OSBPL9: variants seen among roughly 807,000 people sequenced by gnomAD.
OSBPL9 encodes oxysterol binding protein like 9.
In OSBPL9, 40 loss-of-function variants were observed where a neutral mutation model predicts 106.6. That is an observed-to-expected ratio of 0.38 (90% CI 0.29 to 0.49). The LOEUF (loss-of-function observed/expected upper bound fraction) is 0.49. Ranked by LOEUF, OSBPL9 falls within the 20% of genes least tolerant of loss-of-function variation. OSBPL9 has a pLI of 0.97. For missense variants in OSBPL9, 609 were observed against 887.2 expected, an observed-to-expected ratio of 0.69 and a Z score of 3.98; for synonymous variants, 269 against 295.4, an observed-to-expected ratio of 0.91 and a Z score of 0.92.
At chr1:51,757,202 A>C (rs200742998) in intron 9 of OSBPL9, among the ~76,000 whole-genome samples, 1 of 152,014 alleles carries the variant, frequency 6.6e-6, no homozygotes, top group Admixed American at 6.6e-5. Flanking sequence ...TGGTTTAAAA[A>C]TTTTTTTTAA....
the OSBPL9 span, among the ~76,000 whole-genome samples, chr1:51,519,712 ACT>A: frequency 2.7e-3 from 405 of 152,222 alleles, 2 homozygotes; most frequent in African/African-American, 9.2e-3. Context: ...TCTGTACTAG[ACT>A]CTTATTTTTT....
chr1:51,608,679 G>T (rs376346074), intron 2 of OSBPL9, among the ~76,000 whole-genome samples: 10 of 110,862 alleles, frequency 9.0e-5, no homozygotes, highest in South Asian at 2.7e-4. Flanking sequence ...TCCTGGATTG[G>T]GGGGGGGGGC....
chr1:51,560,244 G>T, the OSBPL9 span, among the ~76,000 whole-genome samples: 1 of 152,232 alleles, frequency 6.6e-6, no homozygotes, highest in Non-Finnish European at 1.5e-5. Context: ...GTGGCTTCCA[G>T]AGGCTCTGTT....
intron 12 of OSBPL9, among the ~76,000 whole-genome samples, chr1:51,768,542 A>G (rs888694286): frequency 6.6e-6 from 1 of 152,264 alleles, no homozygotes; most frequent in Non-Finnish European, 1.5e-5. Flanking sequence ...TATTGTTCTA[A>G]AAAAGTGCAA....
At chr1:51,518,874 C>T in the OSBPL9 span, among the ~76,000 whole-genome samples, 2 of 151,686 alleles carry the variant, frequency 1.3e-5, no homozygotes, top group African/African-American at 4.8e-5. Flanking sequence ...TGAAAGCTGC[C>T]CCGCGGGAGC....
intron 23 of OSBPL9, 49 bp from the exon 24 acceptor site, chr1:51,787,666 A>G (rs776681242): frequency 6.3e-7 from 1 of 1,599,976 alleles, no homozygotes; most frequent in Admixed American, 1.7e-5. Context: ...AGTATATTAC[A>G]GAAGTACAAA....
chr1:51,705,275 A>G (rs968583820), intron 3 of OSBPL9, among the ~76,000 whole-genome samples: 1 of 149,902 alleles, frequency 6.7e-6, no homozygotes, highest in Non-Finnish European at 1.5e-5. Flanking sequence ...CTGGGGCTGC[A>G]GGCGTGTGCT....
At chr1:51,684,799 G>T (rs1455515440) in intron 3 of OSBPL9, among the ~76,000 whole-genome samples, 3 of 152,150 alleles carry the variant, frequency 2.0e-5, no homozygotes, top group African/African-American at 7.2e-5. Context: ...CTCCCAAAGT[G>T]TTGGGATTAT....
chr1:51,736,429 C>CTA (rs1665721510), intron 4 of OSBPL9, among the ~76,000 whole-genome samples: 1 of 151,566 alleles, frequency 6.6e-6, no homozygotes, highest in Non-Finnish European at 1.5e-5. Flanking sequence ...GACTGATCAT[C>CTA]TATCTGTTAG....
chr1:51,541,926 C>T, the OSBPL9 span, among the ~76,000 whole-genome samples: 2 of 151,942 alleles, frequency 1.3e-5, no homozygotes, highest in Non-Finnish European at 2.9e-5. Context: ...CTGGCTCTGT[C>T]ACCCAGGCTG....
chr1:51,783,370 G>C (rs1287800660), intron 17 of OSBPL9, among the ~76,000 whole-genome samples: 1 of 141,952 alleles, frequency 7.0e-6, no homozygotes, highest in East Asian at 2.0e-4. Flanking sequence ...TTTTTTTTTA[G>C]AGTCAGTGTA....
intron 4 of OSBPL9, among the ~76,000 whole-genome samples, chr1:51,728,579 G>C (rs961437896): frequency 6.6e-6 from 1 of 152,110 alleles, no homozygotes; most frequent in Non-Finnish European, 1.5e-5. Flanking sequence ...TTTTAGAGTG[G>C]GTAGGGGGAA....
At chr1:51,711,868 A>G (rs1226760515) in intron 3 of OSBPL9, among the ~76,000 whole-genome samples, 4 of 151,024 alleles carry the variant, frequency 2.6e-5, no homozygotes, top group Non-Finnish European at 5.9e-5. Flanking sequence ...GGCCGGGAAG[A>G]GGCGCTCCTC....
rs781434336 is a variant in OSBPL9, at chr1:51,772,212, T to G, written c.1051+30T>G. 2.6e-6 allele frequency: 4 copies of G among 1,565,860 alleles called. No individual in the cohort carries two copies. The East Asian group carries it at 9.1e-5, about 36-fold the overall frequency. On this transcript the variant is annotated intron_variant, in intron 13 of 23. Transcript: ENST00000428468. The stretch of plus-strand genomic sequence containing the variant: ...GTGACCTTTGATAATTTAACTTTTT[T>G]TTCTTTAAAAATATTTGTGGCCAGA...
At chr1:51,780,097 A>AT (rs1557865135) in intron 15 of OSBPL9, among the ~76,000 whole-genome samples, 3 of 151,360 alleles carry the variant, frequency 2.0e-5, no homozygotes, top group African/African-American at 7.3e-5. Flanking sequence ...AAAAAAAAAA[A>AT]GGCCAACAAA....
chr1:51,617,130 G>T lies in OSBPL9; in HGVS notation c.20G>T (p.Gly7Val), dbSNP rs1243980460. ...CCCAAGATGGCGTCCATCATGGAAG[G>T]GCCGCTGAGCAAATGGACTAACGTG... MASIME[G>V]PLSKWTNVMK... The change falls in exon 1 of 24, where the codon GGG becomes GTG. Residue 7 changes from glycine to valine, a missense_variant. By Grantham distance (109) the Gly-to-Val change is moderately radical. This residue lies in a region of OSBPL9 where 30 missense variants were observed against 21.8 expected (regional missense o/e 1.37). Coordinates refer to ENST00000428468, the MANE Select transcript of OSBPL9 (RefSeq NM_024586.6). 1 of 1,612,848 alleles carries T rather than the reference G, an allele frequency of 6.2e-7. No individual in the cohort carries two copies. Among genetic ancestry groups the T allele is most frequent in the South Asian group, 1.1e-5 (1 of 90,708 alleles).
chr1:51,708,368 A>G (rs1299544721), intron 3 of OSBPL9, among the ~76,000 whole-genome samples: 1 of 150,614 alleles, frequency 6.6e-6, no homozygotes, highest in African/African-American at 2.4e-5. Context: ...TTAGGGTCCA[A>G]TATTTGGTCA....
chr1:51,544,106 C>A, the OSBPL9 span, among the ~76,000 whole-genome samples: 1 of 152,244 alleles, frequency 6.6e-6, no homozygotes, highest in East Asian at 1.9e-4. Context: ...TATCTGTTAC[C>A]CAATTTGCTG....
chr1:51,533,297 C>T, the OSBPL9 span, among the ~76,000 whole-genome samples: 2 of 151,852 alleles, frequency 1.3e-5, no homozygotes, highest in Non-Finnish European at 2.9e-5. Flanking sequence ...GCCTGGGCAA[C>T]ATGGTGAAAC....
Sources: gnomAD v4.1 joint callset for allele counts (sites outside exome capture counted in the v4.1 genomes callset) on GRCh38, gnomAD v4.1.1 for gene constraint, gnomAD v4.1.1 regional missense constraint, MANE v1.5 for transcripts, NCBI Gene and HGNC (gene_info 2026-07-23, HGNC 2026-07-21) for gene names.